Variants in ZNF480 observed in about 807,000 individuals in gnomAD.
ZNF480 encodes zinc finger protein 480.
ZNF480 carries 15 observed loss-of-function variants against 14.4 expected under a neutral mutation model. That is an observed-to-expected ratio of 1.04 (90% confidence interval 0.70 to 1.60). The LOEUF is 1.60. Ranked by LOEUF, ZNF480 falls within the 40% of genes most tolerant of loss-of-function variation. The pLI is 0.00. For missense variants in ZNF480, 593 were observed against 629.7 expected (o/e 0.94, Z 0.62); for synonymous variants, 218 against 215.5 (o/e 1.01, Z -0.10).
chr19:52,304,614 G>A lies in ZNF480; in HGVS notation c.72+4130G>A, dbSNP rs150407315. Among the ~76,000 whole-genome samples, 1,243 of 151,994 alleles carry A rather than the reference G, an allele frequency of 8.2e-3. 13 individuals carry two copies. The highest frequency in any genetic ancestry group is 0.028 in the East Asian group (144 of 5,168). ...AAAAATTATATCCTAAACCCTGGTG[G>A]GAATTTTGTCCTTCTGCTTGAAGTG... On this transcript the variant is annotated intron_variant, in intron 2 of 4. Transcript: ENST00000595962.
chr19:52,311,814 TAAAAA>T (rs78392554), intron 2 of ZNF480, among the ~76,000 whole-genome samples: 25 of 147,130 alleles, frequency 1.7e-4, no homozygotes, highest in African/African-American at 4.5e-4. Context: ...CTCTAAAAAT[TAAAAA>T]AAAAAGTGAT....
At position 52,310,930 on chromosome 19, in the gene ZNF480, G is replaced by C. The variant is rs544473365; in HGVS notation, c.73-3223G>C. ...TGAGGCAGGAGAATGGCGTGAACCC[G>C]GGAGGCAGAGCTTACAGTGAGCCAA... On this transcript the variant is annotated intron_variant, in intron 2 of 4. Transcript: ENST00000595962. Among the ~76,000 whole-genome samples the C allele has an allele frequency of 1.0e-3, 149 of 149,354 alleles. No homozygotes were observed. In the Middle Eastern group the frequency reaches 0.01, roughly 10 times the overall value.
In ZNF480 at chr19:52,315,891, G is replaced by T; in HGVS notation, c.257G>T (p.Trp86Leu). 1 of 1,613,420 alleles carries T rather than the reference G, an allele frequency of 6.2e-7. No homozygotes were observed. The highest frequency in any genetic ancestry group is 8.5e-7 in the Non-Finnish European group (1 of 1,179,568). The change falls in exon 4 of 5, where the codon TGG (tryptophan) becomes TTG (leucine). Residue 86 changes from tryptophan to leucine, a missense_variant. Transcript: ENST00000595962. The stretch of plus-strand genomic sequence containing the variant: ...ATGTTGGAGCAAAGGAGGGAGCCCT[G>T]GTCTGGTGAGAGTGAAGTGAAAATA... Reference protein sequence around the residue: ...NSMLEQRREPWSGESEVKIAK... With the variant: ...NSMLEQRREPLSGESEVKIAK...
chr19:52,315,210 A>G (rs756593589), intron 3 of ZNF480, among the ~76,000 whole-genome samples: 7 of 152,144 alleles, frequency 4.6e-5, no homozygotes, highest in Non-Finnish European at 8.8e-5. Flanking sequence ...CAGCCTCCCG[A>G]AGTGCTGGGA....
chr19:52,318,808 C>G (rs1025549751), intron 4 of ZNF480, among the ~76,000 whole-genome samples: 5 of 151,988 alleles, frequency 3.3e-5, no homozygotes, highest in African/African-American at 1.2e-4. Context: ...TTTGATTGAA[C>G]ATTATTCTAC....
rs1377236204 is a variant in ZNF480, at chr19:52,322,777, AC to A, written c.1529del (p.Pro510LeufsTer17). The A allele has an allele frequency of 1.2e-6, 2 of 1,613,022 alleles. No homozygotes were observed. Among genetic ancestry groups the A allele is most frequent in the Non-Finnish European group, 1.7e-6 (2 of 1,179,320 alleles). On this transcript the variant is annotated frameshift_variant, in exon 5 of 5. Coordinates refer to ENST00000595962, the MANE Select transcript of ZNF480 (RefSeq NM_144684.4). LOFTEE classifies it low-confidence loss of function (END_TRUNC). Reference sequence around the variant, plus strand: ...ATCGGAAAATTCATACTGGAGAGAAACCTTACAAATGTAATGAGTGTGGCAA... The same window carrying A: ...ATCGGAAAATTCATACTGGAGAGAAACTTACAAATGTAATGAGTGTGGCAA... ...RHRKIHTGEK[P>X]YKCNECGKAF... is the part of the protein sequence containing the mutation.
chr19:52,310,932 G>C (rs1983246229), intron 2 of ZNF480, among the ~76,000 whole-genome samples: 1 of 149,378 alleles, frequency 6.7e-6, no homozygotes, highest in Non-Finnish European at 1.5e-5. Flanking sequence ...GTGAACCCGG[G>C]AGGCAGAGCT....
At chr19:52,300,550 G>C (rs1982640821) in intron 2 of ZNF480, 66 bp downstream of exon 2, 2 of 1,600,046 alleles carry the variant, frequency 1.2e-6, no homozygotes, top group Admixed American at 1.7e-5. Context: ...CCTTCGAGTT[G>C]GGAGTCTTCT....
In ZNF480 at chr19:52,300,449, A is replaced by G; in HGVS notation, c.37A>G (p.Arg13Gly). 3 of 1,613,312 alleles carry G rather than the reference A, an allele frequency of 1.9e-6. No homozygotes were observed. Among genetic ancestry groups the G allele is most frequent in the Non-Finnish European group, 2.5e-6 (3 of 1,179,804 alleles). Residue 13 changes from arginine (R) to glycine (G), a missense_variant, in exon 2 of 5, where the codon AGG becomes GGG. Transcript: ENST00000595962. ...TGAAAAAGCCCAGAAGAGAAGGAAG[A>G]GGAAAGCAAAGGAGTCAGGGATGGC... is the stretch of plus-strand genomic sequence containing the variant. ...CDEKAQKRRK[R>G]KAKESGMALP... is the part of the protein sequence containing the mutation.
intron 2 of ZNF480, among the ~76,000 whole-genome samples, chr19:52,310,257 A>G (rs1326256455): frequency 6.6e-6 from 1 of 152,010 alleles, no homozygotes; most frequent in Non-Finnish European, 1.5e-5. Context: ...GGGTTTCACC[A>G]TGTTGGCCAG....
chr19:52,303,451 A>G (rs891980685), intron 2 of ZNF480, among the ~76,000 whole-genome samples: 10 of 152,222 alleles, frequency 6.6e-5, no homozygotes, highest in African/African-American at 1.9e-4. Flanking sequence ...GGTCATATCC[A>G]TGCAGTTTAA....
chr19:52,298,499 C>T (rs150161944), intron 1 of ZNF480, among the ~76,000 whole-genome samples: 4 of 152,048 alleles, frequency 2.6e-5, no homozygotes, highest in African/African-American at 4.8e-5. Flanking sequence ...CGGGCGTCAG[C>T]GCGCGCGTGT....
Position 52,321,794 on chromosome 19 carries a change from A to C in ZNF480, c.544A>C (p.Asn182His). The C allele has an allele frequency of 6.2e-7, 1 of 1,613,770 alleles. No homozygotes were observed. The change falls in exon 5 of 5, where the codon AAT (asparagine) becomes CAT (histidine). Residue 182 changes from asparagine (N) to histidine (H), a missense_variant. Coordinates refer to ENST00000595962, the MANE Select transcript of ZNF480 (RefSeq NM_144684.4). ...SSVKTPIFNR[N>H]DFDDSSFLPQ... The stretch of plus-strand genomic sequence containing the variant: ...TGTCAAAACCCCCATTTTTAATAGG[A>C]ATGATTTTGATGATTCTTCATTTCT...
chr19:52,314,319 G>C lies in ZNF480; in HGVS notation c.199+40G>C, dbSNP rs779273902. On this transcript the variant is annotated intron_variant, in intron 3 of 4. Transcript: ENST00000595962. ...CCTGCAGAAGCCGGGATCTGCCCTT[G>C]GTTATTTCAGCATTTTCCCTTGTGT... The C allele has an allele frequency of 4.1e-6, 6 of 1,455,160 alleles. No homozygotes were observed. In the Admixed American group the frequency reaches 1.1e-4, roughly 27 times the overall value. The allele number at this position is 1,455,160 out of a possible 1,614,324, so 90.1% of individuals were successfully genotyped here.
In ZNF480 at chr19:52,321,644, T is replaced by G; in HGVS notation, c.394T>G (p.Phe132Val). ...AATTAAAAAACAACTTGGAGTATCC[T>G]TTCACTTACATCTGTCTGAACTGGA... ...KPIKKQLGVSFHLHLSELELF... is the reference protein window; with the variant it reads ...KPIKKQLGVSVHLHLSELELF... Residue 132 changes from phenylalanine to valine, a missense_variant, in exon 5 of 5, where the codon TTT becomes GTT. Transcript: ENST00000595962. The G allele has an allele frequency of 6.2e-7, 1 of 1,612,690 alleles. No individual in the cohort carries two copies. The highest frequency in any genetic ancestry group is 2.2e-5 in the East Asian group (1 of 44,840).
At chr19:52,309,630 A>G (rs1386687905) in intron 2 of ZNF480, among the ~76,000 whole-genome samples, 1 of 152,192 alleles carries the variant, frequency 6.6e-6, no homozygotes, top group Non-Finnish European at 1.5e-5. Context: ...AGTTTGTGGT[A>G]TCCTCTGGAT....
In ZNF480 at chr19:52,325,678, A is replaced by T. The variant is rs544787761; in HGVS notation, c.*2820A>T. 2 of 152,228 alleles carry T rather than the reference A, an allele frequency of 1.3e-5. No individual in the cohort carries two copies. The highest frequency in any genetic ancestry group is 4.8e-5 in the African/African-American group (2 of 41,468). 9.4% of individuals were successfully genotyped at this position (152,228 alleles called of 1,614,324 possible). ...AATTAATGCAGGAACAGAAAATGAA[A>T]TATCCCATGTTCTCACTTATAAGTG... is the stretch of plus-strand genomic sequence containing the variant. On this transcript the variant is annotated 3_prime_UTR_variant, in exon 5 of 5. Coordinates refer to ENST00000595962, the MANE Select transcript of ZNF480 (RefSeq NM_144684.4).
intron 2 of ZNF480, among the ~76,000 whole-genome samples, chr19:52,310,879 C>A (rs892173590): frequency 6.6e-6 from 1 of 151,282 alleles, no homozygotes; most frequent in Non-Finnish European, 1.5e-5. Context: ...GTGGCGGGCA[C>A]CTGTAGTCCC....
chr19:52,300,324 G>T, intron 1 of ZNF480, 70 bp from the exon 2 acceptor site: 1 of 1,527,774 alleles, frequency 6.5e-7, no homozygotes, highest in Non-Finnish European at 9.0e-7. Context: ...TCTAACCTGT[G>T]TGTGTGATTG....
Sources: gnomAD v4.1 joint callset for allele counts (sites outside exome capture counted in the v4.1 genomes callset) on GRCh38, gnomAD v4.1.1 for gene constraint, MANE v1.5 for transcripts, NCBI Gene and HGNC (gene_info 2026-07-23, HGNC 2026-07-21) for gene names.